SRGAP1: variants seen among roughly 807,000 people sequenced by gnomAD.
SRGAP1 encodes the protein SLIT-ROBO Rho GTPase activating protein 1.
A neutral mutation model predicts 121.9 loss-of-function variants in SRGAP1; 43 were observed. The ratio of observed to expected loss-of-function variants is 0.35; its 90% CI spans 0.28 to 0.46. The LOEUF is 0.46. Ranked by LOEUF, SRGAP1 falls within the 20% of genes least tolerant of loss-of-function variation. SRGAP1 has a pLI of 1.00. For synonymous variants in SRGAP1, 447 were observed against 485.4 expected, an observed-to-expected ratio of 0.92 and a Z score of 1.04; for missense variants, 1,102 against 1,350.9, an observed-to-expected ratio of 0.82 and a Z score of 2.89.
rs373894573 is a variant in SRGAP1 at position 64,080,337 on chromosome 12, A to G, written c.1375A>G (p.Lys459Glu). The G allele has an allele frequency of 8.9e-5, 143 of 1,613,856 alleles. 1 individual carries two copies. Among genetic ancestry groups the G allele is most frequent in the Non-Finnish European group, 1.2e-4 (142 of 1,179,924 alleles). The change falls in exon 10 of 22, where the codon AAA becomes GAA. Residue 459 changes from lysine to glutamate, a missense_variant. Lys to Glu is a moderately conservative substitution (Grantham distance 56). Around this residue, in one of 3 missense-constraint regions of SRGAP1, gnomAD observed 747 missense variants for 929.4 expected, o/e 0.80. Coordinates refer to ENST00000355086, the MANE Select transcript of SRGAP1 (RefSeq NM_020762.4). ...TAATCTCATCACAAAACTTCAAGCC[A>G]AACATGACTTGCTGCAGAGGACCCT... ...GSNLITKLQA[K>E]HDLLQRTLGE... is the part of the protein sequence containing the mutation.
chr12:64,075,146 G>A (rs1219840605), intron 8 of SRGAP1, among the ~76,000 whole-genome samples: 1 of 152,078 alleles, frequency 6.6e-6, no homozygotes, highest in Non-Finnish European at 1.5e-5. Context: ...CCCAAACAGA[G>A]ATTTACCCAC....
chr12:63,974,627 A>G (rs1474829227), intron 1 of SRGAP1, among the ~76,000 whole-genome samples: 1 of 152,144 alleles, frequency 6.6e-6, no homozygotes, highest in African/African-American at 2.4e-5. Context: ...GAGTTCTAAG[A>G]TGAGCCTATG....
intron 4 of SRGAP1, among the ~76,000 whole-genome samples, chr12:64,027,122 A>G (rs530232560): frequency 1.2e-4 from 18 of 152,254 alleles, no homozygotes; most frequent in Middle Eastern, 3.4e-3. Context: ...TTAGGACATA[A>G]TAACAGCTAA....
At chr12:64,099,494 A>G (rs1160203350) in intron 15 of SRGAP1, among the ~76,000 whole-genome samples, 1 of 152,320 alleles carries the variant, frequency 6.6e-6, no homozygotes, top group African/African-American at 2.4e-5. Context: ...GTCTGGCATC[A>G]GTGCCTAGAG....
At chr12:64,100,457 A>C (rs2036236265) in intron 15 of SRGAP1, among the ~76,000 whole-genome samples, 1 of 152,204 alleles carries the variant, frequency 6.6e-6, no homozygotes, top group Non-Finnish European at 1.5e-5. Context: ...GCTCAAGTGC[A>C]AGTGAAGAAG....
chr12:64,088,552 C>G (rs1052463661), intron 11 of SRGAP1, among the ~76,000 whole-genome samples: 2 of 152,148 alleles, frequency 1.3e-5, no homozygotes, highest in Non-Finnish European at 2.9e-5. Flanking sequence ...ATGTGGTAGC[C>G]ACAGAATCAG....
At chr12:63,983,830 A>AAATATT (rs2033334022) in intron 1 of SRGAP1, 117 bp from the exon 2 acceptor site, 1 of 92,316 alleles carries the variant, frequency 1.1e-5, no homozygotes, top group Non-Finnish European at 2.2e-5. Flanking sequence ...ATATATATAT[A>AAATATT]TATATATATA....
chr12:63,852,287 C>T (rs1449244332), intron 1 of SRGAP1, among the ~76,000 whole-genome samples: 1 of 152,188 alleles, frequency 6.6e-6, no homozygotes, highest in Non-Finnish European at 1.5e-5. Context: ...TGAGCCACCT[C>T]GCCCAGCATG....
chr12:63,863,214 C>CA (rs1899512200), intron 1 of SRGAP1, among the ~76,000 whole-genome samples: 1 of 150,600 alleles, frequency 6.6e-6, no homozygotes. Context: ...TACAGTATTA[C>CA]AAAAAAGGAA....
intron 3 of SRGAP1, among the ~76,000 whole-genome samples, chr12:63,994,146 T>C (rs2033629997): frequency 6.6e-6 from 1 of 152,188 alleles, no homozygotes; most frequent in Admixed American, 6.6e-5. Flanking sequence ...TCATGAGTTA[T>C]ATATGGAAAA....
Position 64,000,277 on chromosome 12 carries a change from A to AGTGTGT in SRGAP1, c.426+10205_426+10206insGTGTGT, listed in dbSNP as rs747929850. ...GTGTGTGTGTGTGTGTGTGTGTGTA[A>AGTGTGT]AAAAAAAAAACCAGGATGTTAGGAC... On this transcript the variant is annotated intron_variant, in intron 3 of 21. Transcript: ENST00000355086. Among the ~76,000 whole-genome samples the AGTGTGT allele has an allele frequency of 6.5e-3, 538 of 83,404 alleles. 2 individuals are homozygous for AGTGTGT. Among genetic ancestry groups the AGTGTGT allele is most frequent in the African/African-American group, 8.4e-3 (165 of 19,642 alleles). 54.7% of individuals were successfully genotyped at this position (83,404 alleles called of 152,430 possible). A position where few individuals can be genotyped will look rare whatever the true frequency, so the allele number is the denominator to read the frequency against.
At chr12:63,924,833 C>T (rs2031197018) in intron 1 of SRGAP1, among the ~76,000 whole-genome samples, 1 of 152,128 alleles carries the variant, frequency 6.6e-6, no homozygotes, top group African/African-American at 2.4e-5. Flanking sequence ...AGAGTTCTCA[C>T]CTTTAGGTAC....
chr12:64,106,274 C>T (rs149381064), intron 15 of SRGAP1, among the ~76,000 whole-genome samples: 1 of 152,220 alleles, frequency 6.6e-6, no homozygotes, highest in African/African-American at 2.4e-5. Flanking sequence ...TGTATAATTT[C>T]GCTTTTGAAG....
chr12:63,888,204 C>T (rs952310452), intron 1 of SRGAP1: 3 of 152,234 alleles, frequency 2.0e-5, no homozygotes, highest in African/African-American at 7.2e-5. Context: ...GTTCTCTTCT[C>T]CAAGGGGAGC....
rs565682133 is a variant in SRGAP1, at chr12:63,859,982, G to GGT, written c.67+15110_67+15111dup. Reference sequence around the variant, plus strand: ...TAATAATTTCTTCTTTGACTCATGAGGTGTGTGTGTGTAAATATATGGTAT... The same window carrying GGT: ...TAATAATTTCTTCTTTGACTCATGAGGTGTGTGTGTGTGTAAATATATGGTAT... On this transcript the variant is annotated intron_variant, in intron 1 of 21. Coordinates refer to ENST00000355086, the MANE Select transcript of SRGAP1 (RefSeq NM_020762.4). Among the ~76,000 whole-genome samples the GGT allele has an allele frequency of 9.4e-4, 143 of 152,126 alleles. 6 individuals are homozygous for GGT. In the South Asian group the frequency reaches 0.027, roughly 29 times the overall value.
intron 1 of SRGAP1, among the ~76,000 whole-genome samples, chr12:63,848,375 A>T (rs1285449137): frequency 6.6e-6 from 1 of 152,064 alleles, no homozygotes; most frequent in Non-Finnish European, 1.5e-5. Flanking sequence ...TCATGGGGCT[A>T]TTCTTAACTG....
chr12:63,854,812 A>G (rs1364380088), intron 1 of SRGAP1, among the ~76,000 whole-genome samples: 1 of 152,202 alleles, frequency 6.6e-6, no homozygotes, highest in Admixed American at 6.5e-5. Context: ...CATGAATAGT[A>G]ATAGTGTATA....
chr12:64,126,131 T>C lies in SRGAP1; in HGVS notation c.2379T>C (p.Pro793=), dbSNP rs1592345599. The change falls in exon 19 of 22, where the codon CCT becomes CCC. Residue 793 remains proline, a synonymous_variant. Coordinates refer to ENST00000355086, the MANE Select transcript of SRGAP1 (RefSeq NM_020762.4). ...ACAACGGGATTGACGGGCTGGTGCC[T>C]CACCAGTATATAGTGGTGCAGGATA... ...GRHNGIDGLV[P]HQYIVVQDMD... 1.9e-6 allele frequency: 3 copies of C among 1,614,174 alleles called. No homozygotes were observed. Among genetic ancestry groups the C allele is most frequent in the Non-Finnish European group, 2.5e-6 (3 of 1,180,014 alleles).
At chr12:63,988,077 A>G (rs2033464231) in intron 2 of SRGAP1, among the ~76,000 whole-genome samples, 2 of 152,298 alleles carry the variant, frequency 1.3e-5, no homozygotes, top group African/African-American at 4.8e-5. Flanking sequence ...CTTGACATGG[A>G]TATTACTTTT....
Sources: allele counts gnomAD v4.1 joint callset (sites outside exome capture counted in the v4.1 genomes callset), GRCh38; gene constraint gnomAD v4.1.1; regional missense constraint gnomAD v4.1.1; transcripts MANE v1.5; gene names NCBI Gene and HGNC (gene_info 2026-07-23, HGNC 2026-07-21).